EMC1: variants seen among roughly 807,000 people sequenced by gnomAD.
EMC1 encodes the protein ER membrane protein complex subunit 1.
In EMC1, 103 loss-of-function variants were observed where a neutral mutation model predicts 128.8. The observed-to-expected ratio is 0.80, with a 90% CI of 0.68 to 0.94. EMC1 has a LOEUF of 0.94. Ranked by LOEUF, EMC1 falls within the 40% of genes least tolerant of loss-of-function variation. The pLI is 0.00. For synonymous variants in EMC1, 442 were observed against 490.4 expected, an observed-to-expected ratio of 0.90 and a Z score of 1.30; for missense variants, 1,083 against 1,250.6, an observed-to-expected ratio of 0.87 and a Z score of 2.02.
At chr1:19,248,987 G>A (rs2093644580) in intron 1 of EMC1, among the ~76,000 whole-genome samples, 1 of 152,016 alleles carries the variant, frequency 6.6e-6, no homozygotes, top group African/African-American at 2.4e-5. Flanking sequence ...GAGTCCAGGA[G>A]TTCAATATCT....
intron 1 of EMC1, among the ~76,000 whole-genome samples, chr1:19,249,887 G>A (rs915375581): frequency 2.6e-5 from 4 of 151,894 alleles, no homozygotes; most frequent in Non-Finnish European, 5.9e-5. Flanking sequence ...CTGTACTCCA[G>A]CCTGGGCTAC....
chr1:19,247,775 A>G (rs536658958), intron 1 of EMC1, among the ~76,000 whole-genome samples: 350 of 152,332 alleles, frequency 2.3e-3, no homozygotes, highest in African/African-American at 7.4e-3. Context: ...CTATAATCCC[A>G]GCACTTTGGG....
chr1:19,229,323 C>T (rs1417429530), intron 17 of EMC1: 2 of 152,152 alleles, frequency 1.3e-5, no homozygotes, highest in Non-Finnish European at 2.9e-5. Context: ...GCCTTCATTG[C>T]CACAACCTTC....
intron 6 of EMC1, 83 bp downstream of exon 6, chr1:19,240,933 G>C: frequency 4.6e-6 from 7 of 1,515,848 alleles, no homozygotes; most frequent in Non-Finnish European, 6.3e-6. Flanking sequence ...GCCCAGCCAA[G>C]TTCCCTGTTC....
intron 7 of EMC1, 130 bp downstream of exon 7, chr1:19,240,167 G>T: frequency 3.1e-6 from 4 of 1,294,286 alleles, no homozygotes; most frequent in African/African-American, 1.5e-5. Flanking sequence ...CACCAGTTCA[G>T]CCAGAGGCCT....
At position 19,227,389 on chromosome 1, in the gene EMC1, T is replaced by C; in HGVS notation, c.2126A>G (p.Lys709Arg). The change falls in exon 18 of 23, where the codon AAG becomes AGG. Residue 709 changes from lysine to arginine, a missense_variant. By Grantham distance (26) the Lys-to-Arg change is conservative (BLOSUM62 2). Around this residue, in one of 3 missense-constraint regions of EMC1, gnomAD observed 527 missense variants for 644.1 expected, o/e 0.82. Transcript: ENST00000477853. ...CTCACTGCTGCGTTTCCCCTTCACC[T>C]TGACGATCCGCTGTACTTCTGGGGG... is the stretch of plus-strand genomic sequence containing the variant. ...TIPPEVQRIV[K>R]VKGKRSSEHV... 6.2e-7 allele frequency: 1 copy of C among 1,614,220 alleles called. No homozygotes were observed. The highest frequency in any genetic ancestry group is 1.1e-5 in the South Asian group (1 of 91,090).
chr1:19,244,066 GAAGACT>G (rs748866420), intron 2 of EMC1, 51 bp from the exon 3 acceptor site: 25 of 1,550,900 alleles, frequency 1.6e-5, no homozygotes, highest in Non-Finnish European at 2.1e-5. Context: ...TGGCAACCCA[GAAGACT>G]AAGAAATAAA....
intron 4 of EMC1, 67 bp downstream of exon 4, chr1:19,243,547 T>C: frequency 7.1e-7 from 1 of 1,411,352 alleles, no homozygotes; most frequent in East Asian, 2.3e-5. Flanking sequence ...AGAGTTGCTG[T>C]CTATGCAGAT....
At chr1:19,237,379 C>T (rs2093573320) in intron 11 of EMC1, 141 bp from the exon 12 acceptor site, 1 of 701,036 alleles carries the variant, frequency 1.4e-6, no homozygotes, top group African/African-American at 1.7e-5. Flanking sequence ...TAGCTATTAT[C>T]TGGATGCCAG....
Position 19,216,061 on chromosome 1 carries a change from T to C in EMC1, c.*3242A>G, listed in dbSNP as rs151137182. On this transcript the variant is annotated 3_prime_UTR_variant, in exon 23 of 23. Coordinates refer to ENST00000477853, the MANE Select transcript of EMC1 (RefSeq NM_015047.3). ...ATGATTCTGATGATACTTTGTGTAA[T>C]AGGCTCTTTAAAAGTATGACAATTT... The C allele has an allele frequency of 2.0e-5, 3 of 152,208 alleles. No individual in the cohort carries two copies. Among genetic ancestry groups the C allele is most frequent in the African/African-American group, 7.2e-5 (3 of 41,542 alleles). The allele number at this position is 152,208 out of a possible 1,614,324, so 9.4% of individuals were successfully genotyped here.
intron 14 of EMC1, 46 bp from the exon 15 acceptor site, chr1:19,232,819 A>C: frequency 6.2e-7 from 1 of 1,612,868 alleles, no homozygotes; most frequent in South Asian, 1.1e-5. Context: ...AAGAGAAACC[A>C]AAGAACTGAG....
intron 1 of EMC1, 62 bp from the exon 2 acceptor site, chr1:19,245,092 CG>C: frequency 1.3e-6 from 2 of 1,582,064 alleles, no homozygotes; most frequent in Non-Finnish European, 1.7e-6. Context: ...CAAAATGCTC[CG>C]GAAAAAAAAT....
At chr1:19,240,570 G>C (rs934916761) in intron 6 of EMC1, 124 bp from the exon 7 acceptor site, 2 of 1,083,254 alleles carry the variant, frequency 1.8e-6, no homozygotes, top group Admixed American at 4.4e-5. Context: ...CTTCATGGTT[G>C]GTTGTATAGG....
At chr1:19,231,541 T>C (rs2093521954) in intron 15 of EMC1, 119 bp from the exon 16 acceptor site, 3 of 1,079,054 alleles carry the variant, frequency 2.8e-6, no homozygotes, top group Non-Finnish European at 3.9e-6. Context: ...CTTTGCCCTC[T>C]TTGTGGAAAA....
intron 4 of EMC1, 119 bp downstream of exon 4, chr1:19,243,495 T>C (rs2093617393): frequency 3.5e-6 from 3 of 851,980 alleles, no homozygotes; most frequent in African/African-American, 3.3e-5. Flanking sequence ...TCAATGTCAA[T>C]GGCTGGCTCT....
At chr1:19,241,576 G>A (rs1190321401) in intron 5 of EMC1, among the ~76,000 whole-genome samples, 1 of 152,038 alleles carries the variant, frequency 6.6e-6, no homozygotes, top group Non-Finnish European at 1.5e-5. Context: ...GTGCAGTGGT[G>A]CGATCACGGC....
rs2093535894 is a variant in EMC1 at position 19,233,042 on chromosome 1, G to A, written c.1526C>T (p.Ala509Val). ...CTTAATCTGACTCCGGGGCTTCCGA[G>A]CATCATAAAACATTTTCCAGAGGTG... The part of the protein sequence containing the change: ...TSHLWKMFYD[A>V]RKPRSQIKNE... Residue 509 changes from alanine (A) to valine (V), a missense_variant, in exon 14 of 23, where the codon GCT (alanine) becomes GTT (valine). Physicochemically the swap from Ala to Val is moderately conservative, Grantham distance 64. Coordinates refer to ENST00000477853, the MANE Select transcript of EMC1 (RefSeq NM_015047.3). The A allele has an allele frequency of 1.2e-6, 2 of 1,614,026 alleles. No homozygotes were observed. The highest frequency in any genetic ancestry group is 1.7e-5 in the Admixed American group (1 of 60,000).
chr1:19,234,009 G>T (rs1205487381), intron 13 of EMC1, among the ~76,000 whole-genome samples: 2 of 152,080 alleles, frequency 1.3e-5, no homozygotes, highest in African/African-American at 4.8e-5. Context: ...CTCTGCTCAA[G>T]GAAGAGAAGT....
Position 19,219,569 on chromosome 1 carries a change from C to T in EMC1, c.2802G>A (p.Leu934=), listed in dbSNP as rs34207326. Residue 934 remains leucine (L), a splice_region_variant and synonymous_variant, in exon 22 of 23, where the codon TTG becomes TTA. Transcript: ENST00000477853. ...TAPSGLESTC[L]VVAYGLDIYQ... is the part of the protein sequence containing the mutation. The stretch of plus-strand genomic sequence containing the variant: ...TAGGGCAGCTGTGGGCTCTACTCAC[C>T]AAACAAGTGGACTCCAGACCCGAGG... The T allele has an allele frequency of 5.0e-6, 8 of 1,614,096 alleles. No homozygotes were observed. The highest frequency in any genetic ancestry group is 6.8e-6 in the Non-Finnish European group (8 of 1,179,998).
Sources: allele counts gnomAD v4.1 joint callset (sites outside exome capture counted in the v4.1 genomes callset), GRCh38; gene constraint gnomAD v4.1.1; regional missense constraint gnomAD v4.1.1; transcripts MANE v1.5; gene names NCBI Gene and HGNC (gene_info 2026-07-23, HGNC 2026-07-21).